Variants in KANK4 observed in about 807,000 individuals in gnomAD.
KANK4 encodes KN motif and ankyrin repeat domain-containing protein 4.
In KANK4, 50 loss-of-function variants were observed where a neutral mutation model predicts 80.8. The ratio of observed to expected loss-of-function variants is 0.62; its 90% confidence interval spans 0.49 to 0.78. KANK4 has a LOEUF of 0.78. Among genes scored for constraint, KANK4 ranks in the 30% least tolerant of loss-of-function variants. The probability of loss-of-function intolerance (pLI) is 0.00; values close to 1 mark genes in which losing one functional copy is unlikely to be tolerated. For synonymous variants in KANK4, 465 were observed against 506.9 expected (o/e 0.92, Z 1.11); for missense variants, 1,196 against 1,240.1 (o/e 0.96, Z 0.53).
rs560955823 is a variant in KANK4, at chr1:62,254,255, T to C, written c.2540-1046A>G. Among the ~76,000 whole-genome samples the C allele has an allele frequency of 2.2e-4, 33 of 152,346 alleles. No individual in the cohort carries two copies. In the South Asian group the frequency reaches 6.6e-3, roughly 31 times the overall value. On this transcript the variant is annotated intron_variant, in intron 7 of 9. Coordinates refer to ENST00000371153, the MANE Select transcript of KANK4 (RefSeq NM_181712.5). Reference sequence around the variant, plus strand: ...ACCTAGCATTATTTGTTTATTTGTTTATTTTTCTTGAGACAAGGTCTCACT... The same window carrying C: ...ACCTAGCATTATTTGTTTATTTGTTCATTTTTCTTGAGACAAGGTCTCACT...
At position 62,274,420 on chromosome 1, in the gene KANK4, G is replaced by A. The variant is rs763978069; in HGVS notation, c.684C>T (p.Val228=). 3.7e-6 allele frequency: 6 copies of A among 1,614,204 alleles called. No individual in the cohort carries two copies. The highest frequency in any genetic ancestry group is 5.1e-6 in the Non-Finnish European group (6 of 1,180,028). ...PRASTRIPEL[V]QEGAEPPEGV... is the part of the protein sequence containing the mutation. ...CCTCTGGAGGCTCAGCTCCCTCCTGGACCAGCTCTGGAATCCGAGTTGATG... is the reference window on the plus strand; with the variant it reads ...CCTCTGGAGGCTCAGCTCCCTCCTGAACCAGCTCTGGAATCCGAGTTGATG... The change falls in exon 3 of 10, where the codon GTC becomes GTT. Residue 228 remains valine (V), a synonymous_variant. Transcript: ENST00000371153.
chr1:62,277,075 A>ATTTAG (rs949544228), intron 2 of KANK4, among the ~76,000 whole-genome samples: 2 of 152,226 alleles, frequency 1.3e-5, no homozygotes, highest in Non-Finnish European at 2.9e-5. Flanking sequence ...CTAGACCCTA[A>ATTTAG]GGACACCAAG....
intron 1 of KANK4, among the ~76,000 whole-genome samples, chr1:62,312,604 A>T (rs1644506255): frequency 6.6e-6 from 1 of 151,770 alleles, no homozygotes; most frequent in African/African-American, 2.4e-5. Flanking sequence ...TTCACATAGG[A>T]CTCTCTTCTG....
chr1:62,275,098 T>C lies in KANK4; in HGVS notation c.17-11A>G. On this transcript the variant is annotated splice_polypyrimidine_tract_variant and intron_variant, in intron 2 of 9. Transcript: ENST00000371153. ...AGGACTGGTCTTTGGCTGGGAGACA[T>C]AAGACAAGTTAAAAAAAAAAAGCAC... is the stretch of plus-strand genomic sequence containing the variant. 1 of 1,558,902 alleles carries C rather than the reference T, an allele frequency of 6.4e-7. No individual in the cohort carries two copies. Among genetic ancestry groups the C allele is most frequent in the Non-Finnish European group, 8.7e-7 (1 of 1,153,918 alleles).
rs1671200043 is a variant in KANK4, at chr1:62,236,331, T to C, written c.*1946A>G. Among the ~76,000 whole-genome samples, 2 of 152,206 alleles carry C rather than the reference T, an allele frequency of 1.3e-5. No individual in the cohort carries two copies. ...TGCCTTCTAACAAGATCCCAGGTGA[T>C]TTGTATGCACATAAATGTTCGCGAA... On this transcript the variant is annotated 3_prime_UTR_variant, in exon 10 of 10. Coordinates refer to ENST00000371153, the MANE Select transcript of KANK4 (RefSeq NM_181712.5).
intron 9 of KANK4, among the ~76,000 whole-genome samples, chr1:62,238,797 T>G (rs1671271385): frequency 6.6e-6 from 1 of 151,774 alleles, no homozygotes; most frequent in Admixed American, 6.6e-5. Flanking sequence ...GCCTGGAAAA[T>G]TTTTGTATCT....
intron 1 of KANK4, among the ~76,000 whole-genome samples, chr1:62,301,466 G>A (rs186184120): frequency 1.3e-5 from 2 of 152,030 alleles, no homozygotes; most frequent in Admixed American, 1.3e-4. Flanking sequence ...AAGAATGTCT[G>A]ACATACATGA....
chr1:62,301,082 T>G (rs1644408205), intron 1 of KANK4, among the ~76,000 whole-genome samples: 1 of 152,046 alleles, frequency 6.6e-6, no homozygotes, highest in Admixed American at 6.5e-5. Flanking sequence ...CCGTGACAGC[T>G]CAATGCCTTT....
At chr1:62,299,379 G>T (rs992674072) in intron 1 of KANK4, among the ~76,000 whole-genome samples, 2 of 152,104 alleles carry the variant, frequency 1.3e-5, no homozygotes, top group Non-Finnish European at 2.9e-5. Flanking sequence ...GCTCTTAATG[G>T]CCCAGACTGA....
Position 62,281,488 on chromosome 1 carries a change from A to G in KANK4, c.16+61T>C, listed in dbSNP as rs1018374509. 58 of 1,606,286 alleles carry G rather than the reference A, an allele frequency of 3.6e-5. No individual in the cohort carries two copies. The East Asian group carries it at 1.2e-3, about 35-fold the overall frequency. ...TAGGCTATTTCCAGGATTTGTGGCA[A>G]CAATTCTTTCCCAGCCCAAGTGCTT... On this transcript the variant is annotated intron_variant, in intron 2 of 9. Coordinates refer to ENST00000371153, the MANE Select transcript of KANK4 (RefSeq NM_181712.5).
chr1:62,253,320 A>G (rs142135806), intron 7 of KANK4, 111 bp from the exon 8 acceptor site: 85 of 948,768 alleles, frequency 9.0e-5, no homozygotes, highest in Non-Finnish European at 1.2e-4. Flanking sequence ...CATGGACTAG[A>G]GCAATGCTTT....
Position 62,268,617 on chromosome 1 carries a change from T to TCC in KANK4, c.2013-114_2013-113dup, listed in dbSNP as rs528323471. 2.3e-3 allele frequency: 1,799 copies of TCC among 796,378 alleles called. 33 individuals carry two copies. The South Asian group carries it at 0.026, about 11-fold the overall frequency. 49.3% of individuals were successfully genotyped at this position (796,378 alleles called of 1,614,324 possible). A position where few individuals can be genotyped will look rare whatever the true frequency, so the allele number is the denominator to read the frequency against. ...AACACTCCGCAGCTTGCTAATCTCC[T>TCC]CCCCCACTCTCTACACCTGCCGGCA... On this transcript the variant is annotated intron_variant, in intron 4 of 9. Coordinates refer to ENST00000371153, the MANE Select transcript of KANK4 (RefSeq NM_181712.5).
intron 1 of KANK4, among the ~76,000 whole-genome samples, chr1:62,294,150 G>C (rs1280827159): frequency 1.3e-5 from 2 of 152,150 alleles, no homozygotes; most frequent in Admixed American, 1.3e-4. Flanking sequence ...ACTTTGATTA[G>C]TTTTCTCTTC....
intron 1 of KANK4, among the ~76,000 whole-genome samples, chr1:62,287,249 A>G (rs1019713142): frequency 1.3e-5 from 2 of 152,198 alleles, no homozygotes; most frequent in African/African-American, 4.8e-5. Context: ...GGGATGGTCC[A>G]GGAGGGGCCA....
At chr1:62,268,624 C>T (rs1672087324) in intron 4 of KANK4, 119 bp from the exon 5 acceptor site, 1 of 741,802 alleles carries the variant, frequency 1.3e-6, no homozygotes, top group African/African-American at 1.8e-5. Flanking sequence ...TCCTCCCCCA[C>T]TCTCTACACC....
intron 2 of KANK4, among the ~76,000 whole-genome samples, chr1:62,281,133 A>G (rs541557763): frequency 6.6e-6 from 1 of 152,340 alleles, no homozygotes; most frequent in South Asian, 2.1e-4. Flanking sequence ...CCAGAAGCCC[A>G]TGGACATGTG....
In KANK4 at chr1:62,247,061, A is replaced by ATT. The variant is rs59753503; in HGVS notation, c.2883+409_2883+410dup. 8.8e-5 allele frequency among the ~76,000 whole-genome samples: 13 copies of ATT among 148,018 alleles called. No homozygotes were observed. In the East Asian group the frequency reaches 2.1e-3, roughly 24 times the overall value. On this transcript the variant is annotated intron_variant, in intron 9 of 9. Transcript: ENST00000371153. ...CAGGTGTGAGCCATTGCACCAGGCT[A>ATT]TTTTTTTTTTTAAGAGACAGGGTCT... is the stretch of plus-strand genomic sequence containing the variant.
At chr1:62,313,279 C>T (rs1644512181) in intron 1 of KANK4, among the ~76,000 whole-genome samples, 1 of 152,180 alleles carries the variant, frequency 6.6e-6, no homozygotes, top group South Asian at 2.1e-4. Flanking sequence ...ATGTATCTCC[C>T]ATGGGAAAGG....
In KANK4 at chr1:62,238,283, C is replaced by T; in HGVS notation, c.2982G>A (p.Gly994=). 6.2e-7 allele frequency: 1 copy of T among 1,612,422 alleles called. No homozygotes were observed. Among genetic ancestry groups the T allele is most frequent in the Non-Finnish European group, 8.5e-7 (1 of 1,178,570 alleles). ...GCCAGTTCTTCTGCAGCCCCTACAGCCCCAGGGACCTGCCCTGCTCCGCGT... is the reference window on the plus strand; with the variant it reads ...GCCAGTTCTTCTGCAGCCCCTACAGTCCCAGGGACCTGCCCTGCTCCGCGT... ...RAHAEQGRSL[G]L Residue 994 remains glycine, a synonymous_variant, in exon 10 of 10, where the codon GGG becomes GGA. Coordinates refer to ENST00000371153, the MANE Select transcript of KANK4 (RefSeq NM_181712.5).
Sources: gnomAD v4.1 joint callset for allele counts (sites outside exome capture counted in the v4.1 genomes callset) on GRCh38, gnomAD v4.1.1 for gene constraint, MANE v1.5 for transcripts, NCBI Gene and HGNC (gene_info 2026-07-23, HGNC 2026-07-21) for gene names.